PKD1: variants seen among roughly 807,000 people sequenced by gnomAD.
The protein encoded by PKD1 is polycystin-1.
Under a neutral mutation model 361.7 loss-of-function variants are expected in PKD1, and 81 were observed. The ratio of observed to expected loss-of-function variants is 0.22; its 90% CI spans 0.19 to 0.27. PKD1 has a LOEUF of 0.27. Among genes scored for constraint, PKD1 ranks in the 10% least tolerant of loss-of-function variants. The probability of loss-of-function intolerance (pLI) is 1.00; values close to 1 mark genes in which losing one functional copy is unlikely to be tolerated. For synonymous variants in PKD1, 3,615 were observed against 2,818.3 expected, an observed-to-expected ratio of 1.28 and a Z score of -8.95; for missense variants, 6,399 against 6,118.3, an observed-to-expected ratio of 1.05 and a Z score of -1.53.
chr16:2,110,750 C>T lies in PKD1; in HGVS notation c.4417G>A (p.Val1473Ile), dbSNP rs755828275. 1.9e-6 allele frequency: 3 copies of T among 1,610,696 alleles called. No individual in the cohort carries two copies. In the Admixed American group the frequency reaches 5.0e-5, roughly 27 times the overall value. Residue 1473 changes from valine (V) to isoleucine (I), a missense_variant, in exon 15 of 46, where the codon GTC becomes ATC. Val to Ile is a conservative substitution (Grantham distance 29). Transcript: ENST00000262304. ...AGCTCCAGCCCAAGGGAGCCATTGA[C>T]CTTGATGCTGGTGACCAGCACGGGC... ...QEPVLVTSIK[V>I]NGSLGLELQQ... is the part of the protein sequence containing the mutation.
At chr16:2,124,869 C>T (rs1229544472) in intron 1 of PKD1, among the ~76,000 whole-genome samples, 3 of 152,186 alleles carry the variant, frequency 2.0e-5, no homozygotes, top group Non-Finnish European at 2.9e-5. Context: ...CAGGACAGGA[C>T]GCCAGACCCA....
Position 2,093,546 on chromosome 16 carries a change from G to A in PKD1, c.11014C>T (p.Arg3672Trp), listed in dbSNP as rs140389000. 69 of 1,598,014 alleles carry A rather than the reference G, an allele frequency of 4.3e-5. 1 individual carries two copies. The Middle Eastern group carries it at 3.7e-3, about 86-fold the overall frequency. The change falls in exon 37 of 46, where the codon CGG (arginine) becomes TGG (tryptophan). Residue 3672 changes from arginine (R) to tryptophan (W), a missense_variant and splice_region_variant. By Grantham distance (101) the Arg-to-Trp change is moderately radical. Transcript: ENST00000262304. ...RKVKRLHGML[R>W]SLLVYMLFLL... ...GCACAGGCCGCACCCAGGCTCACCCGCAGCATGCCATGTAGCCTCTTGACC... is the reference window on the plus strand; with the variant it reads ...GCACAGGCCGCACCCAGGCTCACCCACAGCATGCCATGTAGCCTCTTGACC...
chr16:2,097,544 C>T lies in PKD1; in HGVS notation c.10221-41G>A, dbSNP rs747656418. ...GTCAGCAAGGTACCAGGGGATGTGT[C>T]ACACACACAGCCCACCCCCGTCCAG... On this transcript the variant is annotated intron_variant, in intron 32 of 45. Transcript: ENST00000262304. 21 of 1,602,794 alleles carry T rather than the reference C, an allele frequency of 1.3e-5. No homozygotes were observed. In the Admixed American group the frequency reaches 3.5e-4, roughly 27 times the overall value.
chr16:2,115,758 AGTGCT>A, intron 9 of PKD1, 133 bp from the exon 10 acceptor site: 1 of 1,036,388 alleles, frequency 9.6e-7, no homozygotes, highest in East Asian at 2.6e-5. Flanking sequence ...CTCCCAGCCC[AGTGCT>A]GCGTCCGTCT....
Position 2,109,065 on chromosome 16 carries a change from C to T in PKD1, c.6102G>A (p.Gly2034=). 1 of 1,606,298 alleles carries T rather than the reference C, an allele frequency of 6.2e-7. No individual in the cohort carries two copies. The highest frequency in any genetic ancestry group is 8.5e-7 in the Non-Finnish European group (1 of 1,175,574). Residue 2034 remains glycine, a synonymous_variant, in exon 15 of 46, where the codon GGG becomes GGA. Transcript: ENST00000262304. ...AGGCGCGCACCTGGATCTCCAACAGCCCCGCGGCCACGGGCGTGTAGGTGA... is the reference window on the plus strand; with the variant it reads ...AGGCGCGCACCTGGATCTCCAACAGTCCCGCGGCCACGGGCGTGTAGGTGA... The part of the protein sequence containing the change: ...RDVTYTPVAA[G]LLEIQVRAFN...
At chr16:2,093,147 A>AG in intron 37 of PKD1, 54 bp from the exon 38 acceptor site, 1 of 1,603,298 alleles carries the variant, frequency 6.2e-7, no homozygotes, top group African/African-American at 1.3e-5. Context: ...CAGTGACAGC[A>AG]GGGCTTTGGC....
rs571865937 is a variant in PKD1 at position 2,106,198 on chromosome 16, G to A, written c.7596C>T (p.Leu2532=). Residue 2532 remains leucine, a synonymous_variant, in exon 19 of 46, where the codon CTC becomes CTT. Coordinates refer to ENST00000262304, the MANE Select transcript of PKD1 (RefSeq NM_001009944.3). This position sits in a 1 kb window ranked among gnomAD's most constrained non-coding sequence, Gnocchi z 6.5. ...GGGGCAGCACGGCTCCGTAGCTGGA[G>A]AGGCTGCCCTTGTAGACACAGAACT... ...CEEFCVYKGS[L]SSYGAVLPPG... is the part of the protein sequence containing the mutation. The A allele has an allele frequency of 5.0e-6, 8 of 1,610,222 alleles. No individual in the cohort carries two copies. Among genetic ancestry groups the A allele is most frequent in the East Asian group, 2.2e-5 (1 of 44,870 alleles).
At chr16:2,135,344 G>A in intron 1 of PKD1, 131 bp downstream of exon 1, 10 of 1,067,508 alleles carry the variant, frequency 9.4e-6, no homozygotes, top group Non-Finnish European at 1.0e-5. Flanking sequence ...TAGCAGGGCC[G>A]CCGTGCCGCG....
intron 1 of PKD1, among the ~76,000 whole-genome samples, chr16:2,122,673 G>A (rs917891143): frequency 1.3e-5 from 2 of 152,240 alleles, no homozygotes; most frequent in South Asian, 2.1e-4. Context: ...ACTGTGCCGT[G>A]AGGAACTGCA....
Position 2,091,769 on chromosome 16 carries a change from G to A in PKD1, c.11537+12C>T. ...CGGCCACCCCGGAGAGGGCAGGGGA[G>A]GGAGCTCCCACCTGTTGTCCAGCCA... On this transcript the variant is annotated intron_variant, in intron 41 of 45. Transcript: ENST00000262304. 1.9e-6 allele frequency: 3 copies of A among 1,609,834 alleles called. No homozygotes were observed. Among genetic ancestry groups the A allele is most frequent in the Middle Eastern group, 1.7e-4 (1 of 5,922 alleles).
rs367626357 is a variant in PKD1, at chr16:2,111,554, C to G, written c.3613G>C (p.Asp1205His). 53 of 1,583,076 alleles carry G rather than the reference C, an allele frequency of 3.3e-5. 1 individual carries two copies. In the East Asian group the frequency reaches 6.9e-4, roughly 21 times the overall value. ...NTVSGAAAQA[D>H]VRVFEELRGL... is the part of the protein sequence containing the mutation. ...CGGAGCTCCTCAAAGACGCGCACAT[C>G]CGCCTGGGCCGCCGCACCGCTCACC... The change falls in exon 15 of 46, where the codon GAT becomes CAT. Residue 1205 changes from aspartate to histidine, a missense_variant. Physicochemically the swap from Asp to His is moderately conservative, Grantham distance 81. Coordinates refer to ENST00000262304, the MANE Select transcript of PKD1 (RefSeq NM_001009944.3).
chr16:2,095,339 G>A (rs1036094253), intron 34 of PKD1: 1 of 152,174 alleles, frequency 6.6e-6, no homozygotes, highest in African/African-American at 2.4e-5. Flanking sequence ...CTTGAACGTG[G>A]GAGGCAGACT....
At chr16:2,113,049 A>G in intron 12 of PKD1, 86 bp from the exon 13 acceptor site, 3 of 1,407,090 alleles carry the variant, frequency 2.1e-6, no homozygotes, top group Non-Finnish European at 3.0e-6. Context: ...ACCCACAGCC[A>G]TGGCAGCGTC....
chr16:2,112,395 G>C lies in PKD1; in HGVS notation c.3240C>G (p.Pro1080=). 1 of 1,587,866 alleles carries C rather than the reference G, an allele frequency of 6.3e-7. No homozygotes were observed. The highest frequency in any genetic ancestry group is 8.5e-7 in the Non-Finnish European group (1 of 1,174,462). Residue 1080 remains proline, a synonymous_variant, in exon 14 of 46, where the codon CCC becomes CCG. Coordinates refer to ENST00000262304, the MANE Select transcript of PKD1 (RefSeq NM_001009944.3). Reference sequence around the variant, plus strand: ...GCTCCACCAGCACCTGGGCCACCGAGGGGTCTGGAACCGGGAAGGACTCGT... The same window carrying C: ...GCTCCACCAGCACCTGGGCCACCGACGGGTCTGGAACCGGGAAGGACTCGT... ...PYNESFPVPD[P]SVAQVLVEHN... is the part of the protein sequence containing the mutation.
At position 2,090,303 on chromosome 16, in the gene PKD1, G is replaced by T. The variant is rs764507987; in HGVS notation, c.12426C>A (p.Gly4142=). 1.9e-6 allele frequency: 3 copies of T among 1,610,740 alleles called. No homozygotes were observed. The highest frequency in any genetic ancestry group is 1.7e-5 in the Admixed American group (1 of 59,912). Residue 4142 remains glycine (G), a synonymous_variant, in exon 45 of 46, where the codon GGC becomes GGA. Transcript: ENST00000262304. Reference sequence around the variant, plus strand: ...TACCCACCTCCTTGACCTTGCTGAGGCCCATCCAGAGGCGCAGCCTGCGCA... The same window carrying T: ...TACCCACCTCCTTGACCTTGCTGAGTCCCATCCAGAGGCGCAGCCTGCGCA... The part of the protein sequence containing the change: ...LFLRRLRLWM[G]LSKVKEFRHK...
chr16:2,095,048 G>A (rs750363238), intron 34 of PKD1: 1 of 152,192 alleles, frequency 6.6e-6, no homozygotes, highest in Non-Finnish European at 1.5e-5. Context: ...GCTGAGGCAG[G>A]AGGATCACTT....
At position 2,090,700 on chromosome 16, in the gene PKD1, C is replaced by G; in HGVS notation, c.12112G>C (p.Val4038Leu). 6.2e-7 allele frequency: 1 copy of G among 1,612,438 alleles called. No homozygotes were observed. Among genetic ancestry groups the G allele is most frequent in the Non-Finnish European group, 8.5e-7 (1 of 1,179,954 alleles). The change falls in exon 44 of 46, where the codon GTA (valine) becomes CTA (leucine). Residue 4038 changes from valine (V) to leucine (L), a missense_variant. Transcript: ENST00000262304. ...GVTLGLVVLG[V>L]AYAQLAILLV... ...AGGATGGCCAGCTGGGCGTAGGCTA[C>G]CCCGAGCACCACCAGGCCCAAGGTG...
Position 2,106,610 on chromosome 16 carries a change from C to T in PKD1, c.7277G>A (p.Ser2426Asn), listed in dbSNP as rs1335660956. ...VLDETTTSTG[S>N]AGMRLVLRRG... Reference sequence around the variant, plus strand: ...CCGCAGCACCAGTCGCATGCCTGCACTGCCCGTGGATGTGGTGGTCTCATC... The same window carrying T: ...CCGCAGCACCAGTCGCATGCCTGCATTGCCCGTGGATGTGGTGGTCTCATC... The change falls in exon 18 of 46, where the codon AGT becomes AAT. Residue 2426 changes from serine (S) to asparagine (N), a missense_variant. Transcript: ENST00000262304. The surrounding 1 kb of genome is among the most constrained non-coding windows in gnomAD (Gnocchi z 6.5). 3 of 1,598,702 alleles carry T rather than the reference C, an allele frequency of 1.9e-6. No individual in the cohort carries two copies. Among genetic ancestry groups the T allele is most frequent in the South Asian group, 2.2e-5 (2 of 90,862 alleles).
Position 2,089,916 on chromosome 16 carries a change from C to G in PKD1, c.12723G>C (p.Gln4241His). Residue 4241 changes from glutamine (Q) to histidine (H), a missense_variant, in exon 46 of 46, where the codon CAG (glutamine) becomes CAC (histidine). Gln to His is a conservative substitution (Grantham distance 24). Coordinates refer to ENST00000262304, the MANE Select transcript of PKD1 (RefSeq NM_001009944.3). ...QATEDVYQLE[Q>H]QLHSLQGRRS... ...TGCGGCCTTGCAGGCTGTGCAGCTG[C>G]TGCTCCAGCTGGTAGACGTCCTCTG... 6.2e-7 allele frequency: 1 copy of G among 1,611,990 alleles called. No homozygotes were observed. The highest frequency in any genetic ancestry group is 8.5e-7 in the Non-Finnish European group (1 of 1,179,704).
Sources: allele counts gnomAD v4.1 joint callset (sites outside exome capture counted in the v4.1 genomes callset), GRCh38; gene constraint gnomAD v4.1.1; non-coding constraint Gnocchi (gnomAD v3.1); transcripts MANE v1.5; gene names NCBI Gene and HGNC (gene_info 2026-07-23, HGNC 2026-07-21).